The following WNT7B variants were observed in gnomAD, a reference collection of about 807,000 sequenced individuals.
The protein encoded by WNT7B is protein Wnt-7b.
In WNT7B, 19 loss-of-function variants were observed where a neutral mutation model predicts 38.2. That is an observed-to-expected ratio of 0.50 (90% CI 0.35 to 0.73). WNT7B has a LOEUF of 0.73. Among genes scored for constraint, WNT7B ranks in the 30% least tolerant of loss-of-function variants. The pLI is 0.01. For missense variants in WNT7B, 423 were observed against 507.9 expected, an observed-to-expected ratio of 0.83 and a Z score of 1.61; for synonymous variants, 243 against 209.3, an observed-to-expected ratio of 1.16 and a Z score of -1.39.
In WNT7B at chr22:45,922,688, G is replaced by T; in HGVS notation, c.*168C>A. 8 of 1,102,984 alleles carry T rather than the reference G, an allele frequency of 7.3e-6. No homozygotes were observed. The highest frequency in any genetic ancestry group is 1.0e-5 in the Non-Finnish European group (8 of 797,024). The allele number at this position is 1,102,984 out of a possible 1,614,324, so 68.3% of individuals were successfully genotyped here. On this transcript the variant is annotated 3_prime_UTR_variant, in exon 4 of 4. Coordinates refer to ENST00000339464, the MANE Select transcript of WNT7B (RefSeq NM_058238.3). ...GGTGGCAGGAAGGAGCCCCAGGGAGGCGGGCAGAGGGCGTGGGCCCCGGCC... is the reference window on the plus strand; with the variant it reads ...GGTGGCAGGAAGGAGCCCCAGGGAGTCGGGCAGAGGGCGTGGGCCCCGGCC...
chr22:45,972,286 G>T (rs945534831), intron 1 of WNT7B: 20 of 577,568 alleles, frequency 3.5e-5, no homozygotes, highest in Non-Finnish European at 6.0e-5. Flanking sequence ...CGGGCCGGGC[G>T]CCTGGGCCAG....
chr22:45,949,547 C>T (rs542607921), intron 2 of WNT7B, among the ~76,000 whole-genome samples: 3 of 151,990 alleles, frequency 2.0e-5, no homozygotes, highest in Admixed American at 2.0e-4. Flanking sequence ...GAAGAGGTAA[C>T]GTGCCTCCCT....
At chr22:45,934,673 A>G (rs930222537) in intron 2 of WNT7B, among the ~76,000 whole-genome samples, 2 of 152,196 alleles carry the variant, frequency 1.3e-5, no homozygotes, top group African/African-American at 4.8e-5. Context: ...CACTTCCCAC[A>G]AGCCTCCCTT....
At position 45,922,558 on chromosome 22, in the gene WNT7B, G is replaced by C. The variant is rs762556339; in HGVS notation, c.*298C>G. 6.8e-5 allele frequency: 29 copies of C among 429,052 alleles called. No homozygotes were observed. The highest frequency in any genetic ancestry group is 1.3e-3 in the Middle Eastern group (2 of 1,554). The allele number at this position is 429,052 out of a possible 1,614,324, so 26.6% of individuals were successfully genotyped here. ...TCCTGGACGTTCATTTTCCCAGAGA[G>C]AAGAAAGAGAACTTGCCGGGCCCCG... is the stretch of plus-strand genomic sequence containing the variant. On this transcript the variant is annotated 3_prime_UTR_variant, in exon 4 of 4. Transcript: ENST00000339464.
chr22:45,923,386 C>T (rs1197269692), intron 3 of WNT7B, 51 bp from the exon 4 acceptor site: 1 of 1,546,646 alleles, frequency 6.5e-7, no homozygotes, highest in East Asian at 2.3e-5. Flanking sequence ...AGCTGGGCCC[C>T]TCTAGGTTCC....
In WNT7B at chr22:45,953,741, G is replaced by A. The variant is rs1325225730; in HGVS notation, c.72-3595C>T. On this transcript the variant is annotated intron_variant, in intron 1 of 3. Transcript: ENST00000339464. ...TATGATTTAAAAAAAAAAAAAAAAAGAAGAAGAAGAAGAAAGAAAAGAACA... is the reference window on the plus strand; with the variant it reads ...TATGATTTAAAAAAAAAAAAAAAAAAAAGAAGAAGAAGAAAGAAAAGAACA... 5.1e-5 allele frequency among the ~76,000 whole-genome samples: 5 copies of A among 97,204 alleles called. No individual in the cohort carries two copies. In the East Asian group the frequency reaches 1.3e-3, roughly 25 times the overall value. 63.8% of individuals were successfully genotyped at this position (97,204 alleles called of 152,430 possible). A position where few individuals can be genotyped will look rare whatever the true frequency, so the allele number is the denominator to read the frequency against.
intron 1 of WNT7B, among the ~76,000 whole-genome samples, chr22:45,962,693 C>G (rs143280607): frequency 6.6e-6 from 1 of 152,348 alleles, no homozygotes; most frequent in Non-Finnish European, 1.5e-5. Context: ...GGAACAGAAA[C>G]ACCCAGAGAT....
At chr22:45,969,445 C>T (rs568851169) in intron 1 of WNT7B, among the ~76,000 whole-genome samples, 1 of 152,352 alleles carries the variant, frequency 6.6e-6, no homozygotes, top group Admixed American at 6.5e-5. Flanking sequence ...GCTGACCCAG[C>T]ACCACAAGCC....
chr22:45,931,373 C>G lies in WNT7B; in HGVS notation c.299-4G>C, dbSNP rs767546622. On this transcript the variant is annotated splice_polypyrimidine_tract_variant and splice_region_variant and intron_variant, in intron 2 of 3. Transcript: ENST00000339464. ...GTGAAGGCAGCCTCACGGCTCCCTG[C>G]GGGGACAGACAGGTGCAGAAGGTGA... 23 of 1,581,136 alleles carry G rather than the reference C, an allele frequency of 1.5e-5. No homozygotes were observed. The highest frequency in any genetic ancestry group is 2.0e-5 in the Non-Finnish European group (23 of 1,168,766).
At chr22:45,963,849 G>C (rs139608014) in intron 1 of WNT7B, among the ~76,000 whole-genome samples, 19 of 152,256 alleles carry the variant, frequency 1.2e-4, no homozygotes, top group African/African-American at 4.6e-4. Flanking sequence ...GGGGACTCCC[G>C]CAACAGAGGG....
chr22:45,946,372 C>T (rs1015878071), intron 2 of WNT7B, among the ~76,000 whole-genome samples: 2 of 152,192 alleles, frequency 1.3e-5, no homozygotes, highest in African/African-American at 2.4e-5. Context: ...ATCCCTGATT[C>T]GATGATAGTG....
chr22:45,967,899 G>A (rs764887009), intron 1 of WNT7B, among the ~76,000 whole-genome samples: 1 of 152,166 alleles, frequency 6.6e-6, no homozygotes, highest in African/African-American at 2.4e-5. Flanking sequence ...GAGGCCCTGG[G>A]AGACCCTGAT....
chr22:45,971,297 T>C (rs1237202702), intron 1 of WNT7B, among the ~76,000 whole-genome samples: 1 of 152,144 alleles, frequency 6.6e-6, no homozygotes, highest in East Asian at 1.9e-4. Context: ...GTTTAATCAG[T>C]AGCATCCAGC....
intron 1 of WNT7B, among the ~76,000 whole-genome samples, chr22:45,958,990 G>T (rs1932134085): frequency 6.6e-6 from 1 of 152,202 alleles, no homozygotes; most frequent in South Asian, 2.1e-4. Context: ...CCCCGAACAG[G>T]TCCGAGCCCC....
chr22:45,956,685 G>C (rs1219507136), intron 1 of WNT7B, among the ~76,000 whole-genome samples: 1 of 152,210 alleles, frequency 6.6e-6, no homozygotes, highest in African/African-American at 2.4e-5. Context: ...GATAAAAAAA[G>C]TGTGGTCCAT....
Position 45,922,491 on chromosome 22 carries a change from G to A in WNT7B, c.*365C>T, listed in dbSNP as rs993234762. The A allele has an allele frequency of 7.2e-5, 16 of 221,756 alleles. No homozygotes were observed. Among genetic ancestry groups the A allele is most frequent in the Admixed American group, 5.6e-4 (11 of 19,616 alleles). 13.7% of individuals were successfully genotyped at this position (221,756 alleles called of 1,614,324 possible). A position where few individuals can be genotyped will look rare whatever the true frequency, so the allele number is the denominator to read the frequency against. On this transcript the variant is annotated 3_prime_UTR_variant, in exon 4 of 4. Coordinates refer to ENST00000339464, the MANE Select transcript of WNT7B (RefSeq NM_058238.3). ...CATGCCGCCAGGTGGGGCTGGGGAC[G>A]CTCAGTCTCCTCATCACTTTGCTCT...
intron 3 of WNT7B, among the ~76,000 whole-genome samples, chr22:45,930,119 C>T (rs1293071962): frequency 1.3e-5 from 2 of 152,244 alleles, no homozygotes; most frequent in Non-Finnish European, 2.9e-5. Flanking sequence ...TTCACTCTGA[C>T]ACTCTCCTAC....
intron 2 of WNT7B, among the ~76,000 whole-genome samples, chr22:45,945,720 G>A (rs997543584): frequency 6.6e-6 from 1 of 152,208 alleles, no homozygotes; most frequent in Non-Finnish European, 1.5e-5. Context: ...CTCACCACAC[G>A]ACCCCTGGCC....
intron 1 of WNT7B, chr22:45,954,701 A>T: frequency 3.0e-6 from 3 of 985,370 alleles, no homozygotes; most frequent in Non-Finnish European, 3.6e-6. Context: ...ATAAATAGTT[A>T]GATGTGGTTG....
Sources: allele counts gnomAD v4.1 joint callset (sites outside exome capture counted in the v4.1 genomes callset), GRCh38; gene constraint gnomAD v4.1.1; transcripts MANE v1.5; gene names NCBI Gene and HGNC (gene_info 2026-07-23, HGNC 2026-07-21).